BDKRB2: variants seen among roughly 807,000 people sequenced by gnomAD.
BDKRB2 encodes the protein B2 bradykinin receptor.
A neutral mutation model predicts 4.0 loss-of-function variants in BDKRB2; 6 were observed. The ratio of observed to expected loss-of-function variants is 1.49; its 90% CI spans 0.81 to 2.93. The LOEUF (loss-of-function observed/expected upper bound fraction) is 2.93, where lower values mean the gene tolerates loss of function less well. Ranked by LOEUF, BDKRB2 falls within the 30% of genes most tolerant of loss-of-function variation. The pLI, the probability that BDKRB2 is intolerant of heterozygous loss-of-function variation, is 0.00. For missense variants in BDKRB2, 478 were observed against 520.1 expected (o/e 0.92, Z 0.79); for synonymous variants, 225 against 215.3 (o/e 1.05, Z -0.40).
chr14:96,226,204 A>G (rs1467783019), intron 1 of BDKRB2, among the ~76,000 whole-genome samples: 1 of 152,158 alleles, frequency 6.6e-6, no homozygotes, highest in Non-Finnish European at 1.5e-5. Flanking sequence ...TGCAAAGGCC[A>G]TTGCTCTTAA....
At chr14:96,217,049 T>C (rs1890444571) in intron 1 of BDKRB2, among the ~76,000 whole-genome samples, 1 of 152,206 alleles carries the variant, frequency 6.6e-6, no homozygotes, top group African/African-American at 2.4e-5. Flanking sequence ...GCCTAGACTT[T>C]ACTTGAATAC....
At chr14:96,238,894 GTCT>G in intron 2 of BDKRB2, 2 of 986,482 alleles carry the variant, frequency 2.0e-6, no homozygotes, top group Non-Finnish European at 2.4e-6. Flanking sequence ...GCCGGGTGGT[GTCT>G]TCTTTGTGTT....
At chr14:96,210,016 A>AATCATC (rs200950468) in intron 1 of BDKRB2, among the ~76,000 whole-genome samples, 1,502 of 136,314 alleles carry the variant, frequency 0.011, 34 homozygotes, top group African/African-American at 0.035. Context: ...TAATAATAAT[A>AATCATC]ATCATCATCA....
chr14:96,228,350 GC>G (rs1890745831), intron 1 of BDKRB2, among the ~76,000 whole-genome samples: 2 of 152,288 alleles, frequency 1.3e-5, no homozygotes, highest in African/African-American at 4.8e-5. Flanking sequence ...TTTACACCCT[GC>G]CCTCTTGGTA....
intron 1 of BDKRB2, among the ~76,000 whole-genome samples, chr14:96,226,425 G>A (rs1362099784): frequency 8.5e-5 from 13 of 152,200 alleles, no homozygotes; most frequent in African/African-American, 2.4e-4. Flanking sequence ...AGGCTGAGGC[G>A]GGCGGATTAC....
At chr14:96,219,842 G>A (rs1406468494) in intron 1 of BDKRB2, among the ~76,000 whole-genome samples, 1 of 151,872 alleles carries the variant, frequency 6.6e-6, no homozygotes, top group Non-Finnish European at 1.5e-5. Flanking sequence ...GTCTCCTAGA[G>A]AAGGTGACAT....
intron 1 of BDKRB2, among the ~76,000 whole-genome samples, chr14:96,231,805 T>C (rs536151521): frequency 3.2e-4 from 49 of 152,232 alleles, no homozygotes; most frequent in Non-Finnish European, 6.6e-4. Context: ...CCTCTCCAAG[T>C]ACAGCGAATA....
chr14:96,225,997 A>G (rs1379606912), intron 1 of BDKRB2, among the ~76,000 whole-genome samples: 2 of 152,106 alleles, frequency 1.3e-5, no homozygotes, highest in Admixed American at 6.5e-5. Context: ...GCCTTCCTGG[A>G]CACACCCAGC....
chr14:96,212,709 G>A (rs972674321), intron 1 of BDKRB2, among the ~76,000 whole-genome samples: 1 of 152,164 alleles, frequency 6.6e-6, no homozygotes, highest in Non-Finnish European at 1.5e-5. Flanking sequence ...GGAATGCCTG[G>A]GAAACAAGAT....
intron 1 of BDKRB2, among the ~76,000 whole-genome samples, chr14:96,207,932 A>T (rs1420628579): frequency 6.6e-6 from 1 of 152,150 alleles, no homozygotes; most frequent in Non-Finnish European, 1.5e-5. Flanking sequence ...TGGGTCCAGG[A>T]ATCCCCTGCC....
intron 1 of BDKRB2, among the ~76,000 whole-genome samples, chr14:96,221,081 C>A (rs1363848221): frequency 6.6e-6 from 1 of 151,474 alleles, no homozygotes; most frequent in African/African-American, 2.5e-5. Flanking sequence ...GACAAGCCAC[C>A]TCTGTGTGAC....
At position 96,240,746 on chromosome 14, in the gene BDKRB2, A is replaced by C. The variant is rs766805624; in HGVS notation, c.418A>C (p.Asn140His). The change falls in exon 3 of 3, where the codon AAC becomes CAC. Residue 140 changes from asparagine to histidine, a missense_variant. Transcript: ENST00000554311. ...CGTGGTGAATGCCATTATCTCCATG[A>C]ACCTGTACAGCAGCATCTGTTTCCT... ...CRVVNAIISMNLYSSICFLML... is the reference protein window; with the variant it reads ...CRVVNAIISMHLYSSICFLML... 1 of 1,590,996 alleles carries C rather than the reference A, an allele frequency of 6.3e-7. No individual in the cohort carries two copies. The highest frequency in any genetic ancestry group is 8.5e-7 in the Non-Finnish European group (1 of 1,169,744).
chr14:96,223,011 G>A, intron 1 of BDKRB2: 1 of 661,722 alleles, frequency 1.5e-6, no homozygotes, highest in Non-Finnish European at 2.8e-6. Flanking sequence ...CTGGAAGTTG[G>A]AAGAAAAGAC....
chr14:96,226,958 C>G (rs1221272872), intron 1 of BDKRB2, among the ~76,000 whole-genome samples: 1 of 152,234 alleles, frequency 6.6e-6, no homozygotes, highest in African/African-American at 2.4e-5. Context: ...TCCGAGAGGG[C>G]TACAGCCCTG....
chr14:96,244,060 A>G lies in BDKRB2; in HGVS notation c.*2556A>G. 2.5e-6 allele frequency: 1 copy of G among 397,354 alleles called. No homozygotes were observed. Among genetic ancestry groups the G allele is most frequent in the Non-Finnish European group, 4.4e-6 (1 of 225,710 alleles). The allele number at this position is 397,354 out of a possible 1,614,324, so 24.6% of individuals were successfully genotyped here. A position where few individuals can be genotyped will look rare whatever the true frequency, so the allele number is the denominator to read the frequency against. On this transcript the variant is annotated 3_prime_UTR_variant, in exon 3 of 3. Transcript: ENST00000554311. ...GAACATCTGTCCTGTGAAAGACTCA[A>G]TGAGCTGTTATGTTGTAAACAGGAA...
intron 1 of BDKRB2, among the ~76,000 whole-genome samples, chr14:96,209,753 TG>T (rs918883913): frequency 6.6e-6 from 1 of 152,178 alleles, no homozygotes; most frequent in African/African-American, 2.4e-5. Context: ...CCCAGCAGCT[TG>T]GGAGGCCAAG....
At chr14:96,237,575 C>T in intron 2 of BDKRB2, 1 of 1,156,620 alleles carries the variant, frequency 8.6e-7, no homozygotes, top group South Asian at 1.5e-5. Context: ...GATCAGAACA[C>T]CCTAAAGAGA....
chr14:96,213,579 C>T (rs1890353051), intron 1 of BDKRB2, among the ~76,000 whole-genome samples: 1 of 152,132 alleles, frequency 6.6e-6, no homozygotes, highest in African/African-American at 2.4e-5. Context: ...TGTCCTCACA[C>T]CAGCTTATGA....
intron 1 of BDKRB2, among the ~76,000 whole-genome samples, chr14:96,215,482 G>A (rs1315859235): frequency 2.3e-5 from 3 of 132,154 alleles, no homozygotes; most frequent in Admixed American, 7.4e-5. Context: ...AAAAAAAAAA[G>A]GGAGGGGGTT....
Sources: allele counts gnomAD v4.1 joint callset (sites outside exome capture counted in the v4.1 genomes callset), GRCh38; gene constraint gnomAD v4.1.1; transcripts MANE v1.5; gene names NCBI Gene and HGNC (gene_info 2026-07-23, HGNC 2026-07-21).